DSCAM: variants seen among roughly 807,000 people sequenced by gnomAD.
The protein encoded by DSCAM is cell adhesion molecule DSCAM.
A neutral mutation model predicts 217.7 loss-of-function variants in DSCAM; 47 were observed. The observed-to-expected ratio is 0.22, with a 90% CI of 0.17 to 0.28. The LOEUF (loss-of-function observed/expected upper bound fraction) is 0.28, where lower values mean the gene tolerates loss of function less well. Ranked by LOEUF, DSCAM falls within the 10% of genes least tolerant of loss-of-function variation. DSCAM has a pLI of 1.00. For missense variants in DSCAM, 2,080 were observed against 2,618.3 expected (o/e 0.79, Z 4.49); for synonymous variants, 1,056 against 1,015.3 (o/e 1.04, Z -0.76).
chr21:40,824,537 G>A (rs538149741), intron 1 of DSCAM, among the ~76,000 whole-genome samples: 1 of 151,494 alleles, frequency 6.6e-6, no homozygotes, highest in Non-Finnish European at 1.5e-5. Flanking sequence ...AGCCTCCTCA[G>A]TAGCTGGGAC....
At chr21:40,805,020 C>G (rs185161292) in intron 1 of DSCAM, among the ~76,000 whole-genome samples, 42 of 152,246 alleles carry the variant, frequency 2.8e-4, no homozygotes, top group Non-Finnish European at 5.6e-4. Flanking sequence ...GCTGTCTGAA[C>G]GAGACTCTTC....
At chr21:40,390,892 T>C (rs1477756985) in intron 3 of DSCAM, among the ~76,000 whole-genome samples, 1 of 152,150 alleles carries the variant, frequency 6.6e-6, no homozygotes, top group Non-Finnish European at 1.5e-5. Flanking sequence ...AGCTTCAATA[T>C]CATTTGAGGG....
At chr21:40,149,654 T>C (rs1234984945) in intron 16 of DSCAM, among the ~76,000 whole-genome samples, 1 of 143,010 alleles carries the variant, frequency 7.0e-6, no homozygotes, top group Non-Finnish European at 1.5e-5. Context: ...ACCACCACCA[T>C]CCATCGCTCC....
At position 40,048,971 on chromosome 21, in the gene DSCAM, GA is replaced by G. The variant is rs202232434; in HGVS notation, c.5185+2986del. Among the ~76,000 whole-genome samples, 528 of 147,390 alleles carry G rather than the reference GA, an allele frequency of 3.6e-3. 4 individuals carry two copies. The highest frequency in any genetic ancestry group is 0.017 in the Admixed American group (245 of 14,016). On this transcript the variant is annotated intron_variant, in intron 30 of 32. Coordinates refer to ENST00000400454, the MANE Select transcript of DSCAM (RefSeq NM_001389.5). Reference sequence around the variant, plus strand: ...CTGTGGTTTTTGAGGAAGATTTAATGAAAAAAATGATCCAGCAGATCTTTTA... The same window carrying G: ...CTGTGGTTTTTGAGGAAGATTTAATGAAAAAATGATCCAGCAGATCTTTTA...
At chr21:40,042,708 T>G (rs746401611) in intron 31 of DSCAM, 35 bp from the exon 32 acceptor site, 4 of 1,557,906 alleles carry the variant, frequency 2.6e-6, no homozygotes, top group Non-Finnish European at 3.5e-6. Flanking sequence ...GACGGACGAC[T>G]CACCATCAGA....
intron 3 of DSCAM, among the ~76,000 whole-genome samples, chr21:40,562,649 TTGAG>T (rs2076729502): frequency 6.6e-6 from 1 of 152,208 alleles, no homozygotes; most frequent in Admixed American, 6.5e-5. Context: ...TGATCAGAGA[TTGAG>T]TGAGCAATTG....
intron 3 of DSCAM, among the ~76,000 whole-genome samples, chr21:40,688,011 G>A (rs948278420): frequency 5.9e-5 from 9 of 152,140 alleles, no homozygotes; most frequent in South Asian, 2.1e-4. Context: ...AATTGTTCAC[G>A]TTTAGCCAAA....
chr21:40,615,295 A>AAAG (rs1555871142), intron 3 of DSCAM: 6 of 151,378 alleles, frequency 4.0e-5, no homozygotes, highest in Admixed American at 6.6e-5. Flanking sequence ...AAAAAAAAAA[A>AAAG]AAAAGAAAAG....
intron 3 of DSCAM, among the ~76,000 whole-genome samples, chr21:40,532,739 G>T (rs532289239): frequency 6.6e-6 from 1 of 152,142 alleles, no homozygotes; most frequent in Non-Finnish European, 1.5e-5. Context: ...GAGAGCCTGG[G>T]GTAACCTGGG....
Position 40,259,273 on chromosome 21 carries a change from ACT to A in DSCAM, c.2356+16822_2356+16823del, listed in dbSNP as rs1491580239. ...AAGGATCTGATCTCCTCTTTAATGA[ACT>A]CTTTTTTTTTTTTTACCCCAGCAGT... On this transcript the variant is annotated intron_variant, in intron 11 of 32. Transcript: ENST00000400454. Among the ~76,000 whole-genome samples the A allele has an allele frequency of 3.1e-4, 43 of 140,236 alleles. 1 individual carries two copies. Among genetic ancestry groups the A allele is most frequent in the Non-Finnish European group, 2.5e-4 (17 of 67,110 alleles). 92.0% of individuals were successfully genotyped at this position (140,236 alleles called of 152,430 possible).
intron 1 of DSCAM, among the ~76,000 whole-genome samples, chr21:40,836,877 G>C (rs1353545318): frequency 1.3e-5 from 2 of 152,206 alleles, no homozygotes; most frequent in African/African-American, 4.8e-5. Context: ...CATGGGATTA[G>C]AAACACCTGG....
intron 3 of DSCAM, among the ~76,000 whole-genome samples, chr21:40,541,853 T>C (rs1401577853): frequency 6.6e-6 from 1 of 152,166 alleles, no homozygotes; most frequent in Non-Finnish European, 1.5e-5. Context: ...AGACAAGTAT[T>C]TGGAATAAAT....
At chr21:40,750,125 A>T (rs2178853) in intron 1 of DSCAM, among the ~76,000 whole-genome samples, 2 of 151,942 alleles carry the variant, frequency 1.3e-5, no homozygotes, top group African/African-American at 4.8e-5. Flanking sequence ...ATGGAGTTTC[A>T]CCATGTTGGC....
At chr21:40,312,495 T>C (rs2074150516) in intron 8 of DSCAM, 136 bp from the exon 9 acceptor site, 3 of 1,000,042 alleles carry the variant, frequency 3.0e-6, no homozygotes, top group Non-Finnish European at 2.8e-6. Flanking sequence ...TGTAGCAAAT[T>C]TGAAATTCTG....
chr21:40,700,735 C>CTTTTTTTTTTT (rs775869471), intron 2 of DSCAM, among the ~76,000 whole-genome samples: 1 of 137,966 alleles, frequency 7.2e-6, no homozygotes. Flanking sequence ...TTCTTTCTTT[C>CTTTTTTTTTTT]TTTTTTTTTT....
chr21:40,122,224 T>C (rs1019824495), intron 20 of DSCAM, among the ~76,000 whole-genome samples: 6 of 152,128 alleles, frequency 3.9e-5, no homozygotes, highest in African/African-American at 1.2e-4. Context: ...CATCCACAAA[T>C]AGGGGCTTTC....
At chr21:40,046,322 A>C (rs556876391) in intron 30 of DSCAM, among the ~76,000 whole-genome samples, 68 of 152,324 alleles carry the variant, frequency 4.5e-4, no homozygotes, top group Middle Eastern at 3.4e-3. Flanking sequence ...AGATCTCCTA[A>C]ATCATCAGAA....
At chr21:40,291,130 C>A (rs1489602047) in intron 10 of DSCAM, among the ~76,000 whole-genome samples, 2 of 152,186 alleles carry the variant, frequency 1.3e-5, no homozygotes, top group South Asian at 2.1e-4. Flanking sequence ...GGGTTCTCCC[C>A]TTTTGTCACA....
At chr21:40,671,852 TCAGA>T (rs1405397105) in intron 3 of DSCAM, among the ~76,000 whole-genome samples, 3 of 152,128 alleles carry the variant, frequency 2.0e-5, no homozygotes, top group African/African-American at 4.8e-5. Flanking sequence ...GAAACCACAG[TCAGA>T]CAGAAGAGCA....
Sources: allele counts gnomAD v4.1 joint callset (sites outside exome capture counted in the v4.1 genomes callset), GRCh38; gene constraint gnomAD v4.1.1; transcripts MANE v1.5; gene names NCBI Gene and HGNC (gene_info 2026-07-23, HGNC 2026-07-21).